The following AIFM1 variants were observed in gnomAD, a reference collection of about 807,000 sequenced individuals.
AIFM1 encodes apoptosis inducing factor mitochondria associated 1.
AIFM1 carries 3 observed loss-of-function variants against 51.7 expected under a neutral mutation model. That is an observed-to-expected ratio of 0.06 (90% CI 0.03 to 0.15). The LOEUF (loss-of-function observed/expected upper bound fraction) is 0.15, where lower values mean the gene tolerates loss of function less well. Among genes scored for constraint, AIFM1 ranks in the 10% least tolerant of loss-of-function variants. The pLI is 1.00. For missense variants in AIFM1, 330 were observed against 476.8 expected (o/e 0.69, Z 2.87); for synonymous variants, 178 against 179.4 (o/e 0.99, Z 0.06).
At chrX:130,157,263 T>C (rs374152067) in intron 1 of AIFM1, among the ~76,000 whole-genome samples, 23 of 112,553 alleles carry the variant, frequency 2.0e-4, no homozygotes, top group Admixed American at 1.9e-4. Context: ...ACAAAGGTTA[T>C]TTTGACGTAA....
At chrX:130,138,240 C>T (rs925727192) in intron 9 of AIFM1, among the ~76,000 whole-genome samples, 15 of 110,904 alleles carry the variant, frequency 1.4e-4, no homozygotes, top group Non-Finnish European at 2.1e-4. Context: ...CCAAGGTGGG[C>T]GGATCACCAG....
chrX:130,136,302 T>G, intron 11 of AIFM1, 117 bp from the exon 12 acceptor site: 4 of 838,304 alleles, frequency 4.8e-6, no homozygotes, highest in Non-Finnish European at 6.9e-6. Context: ...ATGGGTTAAC[T>G]TACCTCTGAT....
chrX:130,161,332 G>A (rs895346500), intron 1 of AIFM1, among the ~76,000 whole-genome samples: 1 of 109,377 alleles, frequency 9.1e-6, no homozygotes, highest in African/African-American at 3.3e-5. Flanking sequence ...CCAATACAGT[G>A]AAACCCCGTC....
chrX:130,137,178 G>A lies in AIFM1; in HGVS notation c.975C>T (p.Ala325=), dbSNP rs751081720. 1 of 1,211,007 alleles carries A rather than the reference G, an allele frequency of 8.3e-7. No individual in the cohort carries two copies. The highest frequency in any genetic ancestry group is 2.2e-5 in the Admixed American group (1 of 45,986). The change falls in exon 10 of 16, where the codon GCC becomes GCT. Residue 325 remains alanine (A), a synonymous_variant. Coordinates refer to ENST00000287295, the MANE Select transcript of AIFM1 (RefSeq NM_004208.4). ...AGAGTTGAATCACTTCTGTGCCCAA[G>A]GCTCGAGCTGGGAAGAAGAAACAGA... ...LACALGRKAR[A]LGTEVIQLFP... is the part of the protein sequence containing the mutation.
intron 1 of AIFM1, among the ~76,000 whole-genome samples, chrX:130,164,992 G>A (rs946893557): frequency 9.2e-6 from 1 of 108,986 alleles, no homozygotes; most frequent in African/African-American, 3.4e-5. Context: ...AGAAGTACAC[G>A]GCTCAGGCAT....
chrX:130,153,245 C>T (rs1390865610), intron 2 of AIFM1, among the ~76,000 whole-genome samples: 1 of 102,374 alleles, frequency 9.8e-6, no homozygotes, highest in African/African-American at 3.6e-5. Context: ...AGCTACTCCT[C>T]GGGAGGCTGA....
At chrX:130,148,005 G>A (rs772922074) in intron 3 of AIFM1, 129 bp from the exon 4 acceptor site, 52 of 846,175 alleles carry the variant, frequency 6.1e-5, no homozygotes, top group Admixed American at 2.4e-4. Flanking sequence ...TATGACCTAC[G>A]CTAATCTTAA....
intron 2 of AIFM1, among the ~76,000 whole-genome samples, chrX:130,152,734 A>G (rs2124670237): frequency 8.9e-6 from 1 of 112,069 alleles, no homozygotes; most frequent in South Asian, 3.7e-4. Context: ...CAAAAAGAGG[A>G]AAAACTCTCA....
intron 12 of AIFM1, among the ~76,000 whole-genome samples, chrX:130,135,419 C>G (rs1252281402): frequency 3.7e-5 from 3 of 80,979 alleles, no homozygotes; most frequent in Admixed American, 3.2e-4. Flanking sequence ...TTAAAAAGAT[C>G]CAGTACATCT....
At chrX:130,157,720 A>C (rs780141132) in intron 1 of AIFM1, among the ~76,000 whole-genome samples, 1 of 110,328 alleles carries the variant, frequency 9.1e-6, no homozygotes, top group South Asian at 3.8e-4. Flanking sequence ...TAATCCCAGC[A>C]CTTTGGGAGG....
intron 6 of AIFM1, among the ~76,000 whole-genome samples, chrX:130,144,685 C>G (rs921483250): frequency 1.8e-5 from 2 of 111,861 alleles, no homozygotes; most frequent in African/African-American, 6.5e-5. Context: ...CCACAACATA[C>G]TGCGCAGATC....
intron 12 of AIFM1, among the ~76,000 whole-genome samples, chrX:130,135,346 C>T (rs757042051): frequency 1.9e-5 from 2 of 107,822 alleles, no homozygotes; most frequent in African/African-American, 6.8e-5. Context: ...CTCAGCCTCC[C>T]AAAGTGCTGG....
rs373960871 is a variant in AIFM1, at chrX:130,139,852, C to T, written c.801G>A (p.Leu267=). The T allele has an allele frequency of 6.5e-5, 79 of 1,209,082 alleles. No individual in the cohort carries two copies. The highest frequency in any genetic ancestry group is 8.4e-5 in the Non-Finnish European group (75 of 894,479). ...CTGCTCCAGCCCTATCAATGGCAGA[C>T]AGACTTCTTGGAGTACCTCCTGGAA... ...LIATGGTPRS[L]SAIDRAGAEV... is the part of the protein sequence containing the mutation. Residue 267 remains leucine, a synonymous_variant, in exon 8 of 16, where the codon CTG becomes CTA. Coordinates refer to ENST00000287295, the MANE Select transcript of AIFM1 (RefSeq NM_004208.4).
In AIFM1 at chrX:130,147,747, C is replaced by G. The variant is rs1282803419; in HGVS notation, c.474+5G>C. 1 of 1,212,000 alleles carries G rather than the reference C, an allele frequency of 8.3e-7. No homozygotes were observed. Among genetic ancestry groups the G allele is most frequent in the South Asian group, 1.8e-5 (1 of 57,017 alleles). On this transcript the variant is annotated splice_donor_5th_base_variant and intron_variant, in intron 4 of 15. Coordinates refer to ENST00000287295, the MANE Select transcript of AIFM1 (RefSeq NM_004208.4). ...CTGTGCCAAGCAAAAAAACATGCAC[C>G]TTACCCTGGCCCCAGGATCCCGAGC...
chrX:130,138,414 G>A (rs1201184251), intron 9 of AIFM1, among the ~76,000 whole-genome samples, 179 bp downstream of exon 9: 8 of 111,357 alleles, frequency 7.2e-5, no homozygotes, highest in African/African-American at 1.6e-4. Flanking sequence ...GCAGTGAGCC[G>A]AGATCGCGCC....
chrX:130,134,880 A>T (rs1323928609), intron 12 of AIFM1, among the ~76,000 whole-genome samples: 1 of 111,831 alleles, frequency 8.9e-6, no homozygotes, highest in Non-Finnish European at 1.9e-5. Context: ...AGCAACATAG[A>T]AAATGCTTAC....
intron 12 of AIFM1, among the ~76,000 whole-genome samples, chrX:130,135,614 A>G (rs1231556640): frequency 9.0e-6 from 1 of 110,808 alleles, no homozygotes. Context: ...ATTGTAAAAA[A>G]CAGCTAAAAA....
intron 1 of AIFM1, among the ~76,000 whole-genome samples, chrX:130,157,444 T>A (rs751918200): frequency 8.9e-6 from 1 of 112,073 alleles, no homozygotes; most frequent in South Asian, 3.7e-4. Flanking sequence ...ACTATCAACC[T>A]AGAGCAGCAA....
rs931418303 is a variant in AIFM1, at chrX:130,165,726, T to C, written c.-70A>G. 5.5e-6 allele frequency: 5 copies of C among 912,935 alleles called. No individual in the cohort carries two copies. The highest frequency in any genetic ancestry group is 7.8e-6 in the Non-Finnish European group (5 of 641,117). 75.2% of individuals were successfully genotyped at this position (912,935 alleles called of 1,213,427 possible). The stretch of plus-strand genomic sequence containing the variant: ...CGCACGACCGACGGGTCAAACACCG[T>C]GAGCCCCGGCCAGCTCCCCCAGTCT... On this transcript the variant is annotated 5_prime_UTR_variant, in exon 1 of 16. Coordinates refer to ENST00000287295, the MANE Select transcript of AIFM1 (RefSeq NM_004208.4).
Sources: gnomAD v4.1 joint callset for allele counts (sites outside exome capture counted in the v4.1 genomes callset) on GRCh38, gnomAD v4.1.1 for gene constraint, MANE v1.5 for transcripts, NCBI Gene and HGNC (gene_info 2026-07-23, HGNC 2026-07-21) for gene names.